CACNA1A: variants seen among roughly 807,000 people sequenced by gnomAD.
CACNA1A encodes the protein calcium voltage-gated channel subunit alpha1 A, also known as voltage-dependent P/Q-type calcium channel subunit alpha-1A.
A neutral mutation model predicts 262.4 loss-of-function variants in CACNA1A; 57 were observed. The observed-to-expected ratio is 0.22, with a 90% CI of 0.18 to 0.27. The LOEUF (loss-of-function observed/expected upper bound fraction) is 0.27, where lower values mean the gene tolerates loss of function less well. Ranked by LOEUF, CACNA1A falls within the 10% of genes least tolerant of loss-of-function variation. The probability of loss-of-function intolerance (pLI) is 1.00; values close to 1 mark genes in which losing one functional copy is unlikely to be tolerated. For missense variants in CACNA1A, 2,526 were observed against 3,562.8 expected, an observed-to-expected ratio of 0.71 and a Z score of 7.41; for synonymous variants, 1,431 against 1,419.3, an observed-to-expected ratio of 1.01 and a Z score of -0.18.
At chr19:13,272,533 G>A (rs4926249) in intron 24 of CACNA1A, 67,418 of 152,086 alleles carry the variant, frequency 0.44, 15,366 homozygotes, top group East Asian at 0.63. Flanking sequence ...CAAGCTACAC[G>A]GTCCAGGGGA....
intron 26 of CACNA1A, 182 bp from the exon 27 acceptor site, chr19:13,259,883 C>T (rs2056683965): frequency 1.6e-6 from 1 of 619,500 alleles, no homozygotes; most frequent in Non-Finnish European, 2.8e-6. Flanking sequence ...ATGACGTGTG[C>T]ATCTACTTTG....
rs62111969 is a variant in CACNA1A at position 13,246,521 on chromosome 19, T to A, written c.4867-1256A>T. 2.0e-5 allele frequency among the ~76,000 whole-genome samples: 3 copies of A among 152,186 alleles called. No individual in the cohort carries two copies. In the South Asian group the frequency reaches 6.2e-4, roughly 32 times the overall value. ...AACCCTTCCCATCAATTTAAGTCAC[T>A]GAGATGTGGGGGCTGTTTGTTACTG... On this transcript the variant is annotated intron_variant, in intron 30 of 46. Coordinates refer to ENST00000360228, the MANE Select transcript of CACNA1A (RefSeq NM_001127222.2).
Position 13,413,502 on chromosome 19 carries a change from G to A in CACNA1A, c.539+39374C>T, listed in dbSNP as rs112601950. ...CAAGAGGATCCCTTGAGCCCAGGAG[G>A]TCACGGCTGCAGAAAGTGATTATAG... On this transcript the variant is annotated intron_variant, in intron 3 of 46. Transcript: ENST00000360228. 4.2e-3 allele frequency among the ~76,000 whole-genome samples: 622 copies of A among 148,172 alleles called. 7 individuals carry two copies. The highest frequency in any genetic ancestry group is 0.014 in the African/African-American group (577 of 40,436).
rs373040641 is a variant in CACNA1A, at chr19:13,448,414, G to A, written c.539+4462C>T. ...AACTAATGGGTACTAGGCTTAATAC[G>A]TGGGTGATGAAATAACCTGTACAAC... On this transcript the variant is annotated intron_variant, in intron 3 of 46. Coordinates refer to ENST00000360228, the MANE Select transcript of CACNA1A (RefSeq NM_001127222.2). Among the ~76,000 whole-genome samples, 9 of 152,148 alleles carry A rather than the reference G, an allele frequency of 5.9e-5. No homozygotes were observed. In the East Asian group the frequency reaches 9.6e-4, roughly 16 times the overall value.
At chr19:13,373,567 A>T (rs1392633653) in intron 3 of CACNA1A, among the ~76,000 whole-genome samples, 5 of 152,184 alleles carry the variant, frequency 3.3e-5, no homozygotes, top group Non-Finnish European at 5.9e-5. Flanking sequence ...GACGGAGCTC[A>T]GTTGCCTACA....
chr19:13,256,933 C>G (rs2056588154), intron 28 of CACNA1A: 1 of 159,922 alleles, frequency 6.3e-6, no homozygotes, highest in Non-Finnish European at 1.4e-5. Context: ...TGAGCACAAG[C>G]CTGAAGAACT....
chr19:13,222,807 G>A (rs561299940), intron 38 of CACNA1A, among the ~76,000 whole-genome samples: 5 of 151,008 alleles, frequency 3.3e-5, no homozygotes, highest in Non-Finnish European at 7.4e-5. Flanking sequence ...TGATTCTCCT[G>A]CCTCAGCCTC....
chr19:13,351,501 C>T (rs1359819827), intron 6 of CACNA1A, among the ~76,000 whole-genome samples: 1 of 151,742 alleles, frequency 6.6e-6, no homozygotes, highest in African/African-American at 2.4e-5. Context: ...ACCACCACAC[C>T]CGGCTAATTA....
chr19:13,429,046 C>T lies in CACNA1A; in HGVS notation c.539+23830G>A, dbSNP rs201729694. Among the ~76,000 whole-genome samples, 20 of 152,076 alleles carry T rather than the reference C, an allele frequency of 1.3e-4. No individual in the cohort carries two copies. The East Asian group carries it at 3.9e-3, about 29-fold the overall frequency. On this transcript the variant is annotated intron_variant, in intron 3 of 46. Transcript: ENST00000360228. ...TCCCCCCACCACCTTGACCCTCGGG[C>T]ACACATCTTTAGATTTGCTGACCAC...
chr19:13,285,952 AT>A (rs74181819), intron 20 of CACNA1A, among the ~76,000 whole-genome samples: 11,436 of 95,856 alleles, frequency 0.12, 317 homozygotes, highest in East Asian at 0.23. Flanking sequence ...GCAGTTCACC[AT>A]TTTTTTTTTT....
rs1202610727 is a variant in CACNA1A, at chr19:13,262,750, C to T, written c.4073G>A (p.Arg1358Gln). 1 of 1,611,924 alleles carries T rather than the reference C, an allele frequency of 6.2e-7. No homozygotes were observed. The highest frequency in any genetic ancestry group is 8.5e-7 in the Non-Finnish European group (1 of 1,178,478). ...CAATCTCACCTTGAGCTTTGGCAGC[C>T]GCTTGATGGTTTTAAGAGGTCGTAG... ...RVLRPLKTIK[R>Q]LPKLKAVFDC... Residue 1358 changes from arginine (R) to glutamine (Q), a missense_variant, in exon 25 of 47, where the codon CGG becomes CAG. Transcript: ENST00000360228.
At chr19:13,470,474 GCTC>G (rs1466172932) in intron 1 of CACNA1A, among the ~76,000 whole-genome samples, 1 of 151,966 alleles carries the variant, frequency 6.6e-6, no homozygotes, top group Non-Finnish European at 1.5e-5. Context: ...TTCCCTTTTT[GCTC>G]CTCTTTTTCT....
intron 1 of CACNA1A, among the ~76,000 whole-genome samples, chr19:13,481,829 G>A (rs1034956160): frequency 2.0e-5 from 3 of 152,098 alleles, no homozygotes; most frequent in Admixed American, 6.5e-5. Context: ...GAAAGTGACT[G>A]CTTGGTTCAG....
At chr19:13,278,546 C>G (rs569697624) in intron 22 of CACNA1A, among the ~76,000 whole-genome samples, 3 of 152,142 alleles carry the variant, frequency 2.0e-5, no homozygotes, top group Admixed American at 6.6e-5. Flanking sequence ...CTCTCCTTCC[C>G]TCTGCCCACC....
In CACNA1A at chr19:13,491,133, G is replaced by A. The variant is rs920242143; in HGVS notation, c.293+14799C>T. Among the ~76,000 whole-genome samples the A allele has an allele frequency of 1.8e-4, 28 of 152,188 alleles. 1 individual carries two copies. Among genetic ancestry groups the A allele is most frequent in the African/African-American group, 6.0e-4 (25 of 41,438 alleles). On this transcript the variant is annotated intron_variant, in intron 1 of 46. Transcript: ENST00000360228. ...CTCTCTGGAATGCAAATGGTTTCCCGGAGAAAACTTGAGTATTTTTCCCTC... is the reference window on the plus strand; with the variant it reads ...CTCTCTGGAATGCAAATGGTTTCCCAGAGAAAACTTGAGTATTTTTCCCTC...
At chr19:13,490,754 A>G (rs1980739607) in intron 1 of CACNA1A, among the ~76,000 whole-genome samples, 1 of 149,506 alleles carries the variant, frequency 6.7e-6, no homozygotes, top group Non-Finnish European at 1.5e-5. Context: ...GAAAGAAAAG[A>G]AGGAAGAAGA....
chr19:13,420,980 C>A (rs970898569), intron 3 of CACNA1A, among the ~76,000 whole-genome samples: 4 of 152,202 alleles, frequency 2.6e-5, no homozygotes, highest in African/African-American at 9.7e-5. Flanking sequence ...GCATCCCTAG[C>A]AGTTTGGTAT....
intron 3 of CACNA1A, among the ~76,000 whole-genome samples, chr19:13,404,181 TACAC>T (rs59967641): frequency 2.0e-5 from 3 of 150,706 alleles, no homozygotes; most frequent in African/African-American, 7.3e-5. Context: ...TATATATATA[TACAC>T]ATATACACAC....
chr19:13,386,443 C>T (rs936262391), intron 3 of CACNA1A, among the ~76,000 whole-genome samples: 1 of 152,066 alleles, frequency 6.6e-6, no homozygotes, highest in African/African-American at 2.4e-5. Flanking sequence ...CTTCTTTGGC[C>T]GGATGCTTTT....
Sources: allele counts gnomAD v4.1 joint callset (sites outside exome capture counted in the v4.1 genomes callset), GRCh38; gene constraint gnomAD v4.1.1; transcripts MANE v1.5; gene names NCBI Gene and HGNC (gene_info 2026-07-23, HGNC 2026-07-21).